PTPRO: variants seen among roughly 807,000 people sequenced by gnomAD.
PTPRO encodes the protein receptor-type tyrosine-protein phosphatase O.
Under a neutral mutation model 145.2 loss-of-function variants are expected in PTPRO, and 62 were observed. That is an observed-to-expected ratio of 0.43 (90% confidence interval 0.35 to 0.53). PTPRO has a LOEUF of 0.53. Among genes scored for constraint, PTPRO ranks in the 20% least tolerant of loss-of-function variants. The pLI is 0.01. For synonymous variants in PTPRO, 565 were observed against 514.7 expected, an observed-to-expected ratio of 1.10 and a Z score of -1.32; for missense variants, 1,345 against 1,482.7, an observed-to-expected ratio of 0.91 and a Z score of 1.53.
intron 18 of PTPRO, among the ~76,000 whole-genome samples, chr12:15,568,058 A>G (rs1314135010): frequency 6.6e-6 from 1 of 152,220 alleles, no homozygotes; most frequent in Non-Finnish European, 1.5e-5. Flanking sequence ...ATGTTAACAT[A>G]AATGAATTAA....
intron 19 of PTPRO, among the ~76,000 whole-genome samples, chr12:15,577,093 C>T (rs1414227824): frequency 6.6e-6 from 1 of 152,280 alleles, no homozygotes; most frequent in East Asian, 1.9e-4. Flanking sequence ...CAATGGGAAG[C>T]ATCTGCCTAA....
intron 2 of PTPRO, among the ~76,000 whole-genome samples, chr12:15,496,057 A>G (rs1942094530): frequency 2.0e-5 from 3 of 151,590 alleles, no homozygotes; most frequent in South Asian, 4.2e-4. Flanking sequence ...AGTTATAACT[A>G]TATGTGACTC....
At chr12:15,491,599 C>T (rs1213788724) in intron 2 of PTPRO, among the ~76,000 whole-genome samples, 2 of 152,252 alleles carry the variant, frequency 1.3e-5, no homozygotes, top group East Asian at 1.9e-4. Context: ...CACTAAATGT[C>T]ATTTTTTATT....
chr12:15,332,703 T>C (rs1301555550), intron 1 of PTPRO, among the ~76,000 whole-genome samples: 2 of 152,224 alleles, frequency 1.3e-5, no homozygotes, highest in African/African-American at 2.4e-5. Context: ...TGCTAATTAA[T>C]CATAAATGGT....
rs533207628 is a variant in PTPRO at position 15,417,925 on chromosome 12, T to C, written c.76-66049T>C. ...GTGCTGGGAGTGTGGCCTAAAGCAATGTAATACTAAGTGAAGTCAGAAAAC... is the reference window on the plus strand; with the variant it reads ...GTGCTGGGAGTGTGGCCTAAAGCAACGTAATACTAAGTGAAGTCAGAAAAC... On this transcript the variant is annotated intron_variant, in intron 1 of 26. Transcript: ENST00000281171. 3.3e-5 allele frequency among the ~76,000 whole-genome samples: 5 copies of C among 151,882 alleles called. No individual in the cohort carries two copies. In the South Asian group the frequency reaches 1.0e-3, roughly 31 times the overall value.
chr12:15,373,055 G>A (rs957577353), intron 1 of PTPRO, among the ~76,000 whole-genome samples: 1 of 152,164 alleles, frequency 6.6e-6, no homozygotes, highest in African/African-American at 2.4e-5. Flanking sequence ...AGTGTTTCCA[G>A]ATGTTTTACA....
At chr12:15,380,479 A>T (rs1249239139) in intron 1 of PTPRO, among the ~76,000 whole-genome samples, 2 of 152,218 alleles carry the variant, frequency 1.3e-5, no homozygotes, top group Non-Finnish European at 2.9e-5. Context: ...ACAATGAAAT[A>T]GACTCAAAGA....
At chr12:15,539,735 C>CTGGG (rs1462805953) in intron 12 of PTPRO, among the ~76,000 whole-genome samples, 2 of 121,134 alleles carry the variant, frequency 1.7e-5, no homozygotes, top group Non-Finnish European at 3.2e-5. Flanking sequence ...GCACTCCAGT[C>CTGGG]TGGGTGACAG....
rs1367369894 is a variant in PTPRO, at chr12:15,508,653, G to C, written c.1350G>C (p.Leu450Phe). The stretch of plus-strand genomic sequence containing the variant: ...ACGTTTTAAGCTCAACCACTGCCTT[G>C]ATGTCCTGGACATCTTCCCAAGAGA... ...SVHVLSSTTA[L>F]MSWTSSQENY... Residue 450 changes from leucine (L) to phenylalanine (F), a missense_variant, in exon 7 of 27, where the codon TTG becomes TTC. Coordinates refer to ENST00000281171, the MANE Select transcript of PTPRO (RefSeq NM_030667.3). The C allele has an allele frequency of 6.2e-7, 1 of 1,614,096 alleles. No homozygotes were observed. The highest frequency in any genetic ancestry group is 2.2e-5 in the East Asian group (1 of 44,862).
intron 7 of PTPRO, 142 bp downstream of exon 7, chr12:15,508,909 G>A: frequency 2.4e-6 from 2 of 839,044 alleles, no homozygotes; most frequent in South Asian, 2.9e-5. Flanking sequence ...AAGAGCCAGA[G>A]GGGCCAGAAA....
chr12:15,513,210 A>G (rs57707907), intron 7 of PTPRO, among the ~76,000 whole-genome samples: 58,060 of 107,088 alleles, frequency 0.54, 18,178 homozygotes, highest in Admixed American at 0.63. Flanking sequence ...AGAAAGAAAG[A>G]AAGAAAGAAA....
intron 1 of PTPRO, among the ~76,000 whole-genome samples, chr12:15,351,683 G>C (rs1937807426): frequency 6.6e-6 from 1 of 152,140 alleles, no homozygotes; most frequent in African/African-American, 2.4e-5. Context: ...CCTGGATCTA[G>C]CCATGCCTTA....
At chr12:15,499,315 C>T (rs1942170723) in intron 3 of PTPRO, 127 bp from the exon 4 acceptor site, 1 of 932,142 alleles carries the variant, frequency 1.1e-6, no homozygotes, top group South Asian at 1.5e-5. Flanking sequence ...CTCTTTATTA[C>T]TGCCCATAAC....
At position 15,519,454 on chromosome 12, in the gene PTPRO, A is replaced by G. The variant is rs114865210; in HGVS notation, c.1780-747A>G. ...TTTGTTTTGAGAGGGAGAGAAAGAGATAATTGTGTGAAGCTAGCTGTCAAC... is the reference window on the plus strand; with the variant it reads ...TTTGTTTTGAGAGGGAGAGAAAGAGGTAATTGTGTGAAGCTAGCTGTCAAC... On this transcript the variant is annotated intron_variant, in intron 9 of 26. Coordinates refer to ENST00000281171, the MANE Select transcript of PTPRO (RefSeq NM_030667.3). 8.5e-3 allele frequency among the ~76,000 whole-genome samples: 1,295 copies of G among 152,256 alleles called. 23 individuals carry two copies. The highest frequency in any genetic ancestry group is 0.03 in the African/African-American group (1,230 of 41,536).
intron 1 of PTPRO, among the ~76,000 whole-genome samples, chr12:15,368,293 A>G (rs915189731): frequency 2.0e-5 from 3 of 152,204 alleles, no homozygotes; most frequent in Middle Eastern, 3.4e-3. Context: ...TTTCCTTACC[A>G]TATATGGCAA....
intron 1 of PTPRO, among the ~76,000 whole-genome samples, chr12:15,411,703 A>C (rs959626925): frequency 6.6e-6 from 1 of 152,232 alleles, no homozygotes; most frequent in Non-Finnish European, 1.5e-5. Context: ...AAAGGACAAA[A>C]CTAAATACTT....
At chr12:15,432,345 A>G (rs1480067383) in intron 1 of PTPRO, among the ~76,000 whole-genome samples, 1 of 152,130 alleles carries the variant, frequency 6.6e-6, no homozygotes, top group Non-Finnish European at 1.5e-5. Context: ...ATTATTTTTT[A>G]CTGCTGCATA....
intron 7 of PTPRO, among the ~76,000 whole-genome samples, chr12:15,509,811 G>A (rs909733436): frequency 1.1e-4 from 16 of 152,310 alleles, no homozygotes; most frequent in Middle Eastern, 3.4e-3. Context: ...GGGGCAGGCA[G>A]AGACGGTGTG....
intron 16 of PTPRO, among the ~76,000 whole-genome samples, chr12:15,558,195 A>G (rs1228364967): frequency 2.6e-5 from 4 of 152,082 alleles, no homozygotes; most frequent in East Asian, 1.9e-4. Context: ...CGGCCTCCCA[A>G]AGTGCTGGGA....
Sources: allele counts gnomAD v4.1 joint callset (sites outside exome capture counted in the v4.1 genomes callset), GRCh38; gene constraint gnomAD v4.1.1; transcripts MANE v1.5; gene names NCBI Gene and HGNC (gene_info 2026-07-23, HGNC 2026-07-21).